Variants in CDH12 observed in about 807,000 individuals in gnomAD.
The protein encoded by CDH12 is cadherin-12.
In CDH12, 41 loss-of-function variants were observed where a neutral mutation model predicts 74.1. That is an observed-to-expected ratio of 0.55 (90% confidence interval 0.43 to 0.72). The LOEUF (loss-of-function observed/expected upper bound fraction) is 0.72. Ranked by LOEUF, CDH12 falls within the 30% of genes least tolerant of loss-of-function variation. The probability of loss-of-function intolerance (pLI) is 0.00; values close to 1 mark genes in which losing one functional copy is unlikely to be tolerated. For synonymous variants in CDH12, 399 were observed against 355.0 expected, an observed-to-expected ratio of 1.12 and a Z score of -1.39; for missense variants, 945 against 977.2, an observed-to-expected ratio of 0.97 and a Z score of 0.44.
chr5:22,810,900 A>AAT (rs761041109), intron 1 of CDH12, among the ~76,000 whole-genome samples: 1 of 147,896 alleles, frequency 6.8e-6, no homozygotes, highest in East Asian at 2.0e-4. Context: ...AAAACAAACA[A>AAT]ATATATGTGT....
chr5:22,099,142 G>C (rs1054941300), intron 4 of CDH12, among the ~76,000 whole-genome samples: 3 of 152,126 alleles, frequency 2.0e-5, no homozygotes, highest in Non-Finnish European at 4.4e-5. Flanking sequence ...TGGATAAGTA[G>C]AGGCCTTTCC....
intron 4 of CDH12, among the ~76,000 whole-genome samples, chr5:22,114,035 G>T (rs1162961890): frequency 6.6e-6 from 1 of 152,168 alleles, no homozygotes; most frequent in Non-Finnish European, 1.5e-5. Context: ...AGTTTCCACA[G>T]AAGAGGTCTG....
intron 1 of CDH12, among the ~76,000 whole-genome samples, chr5:22,743,748 AT>A (rs1220477409): frequency 2.6e-5 from 4 of 152,116 alleles, no homozygotes; most frequent in Non-Finnish European, 5.9e-5. Context: ...TGGCATAGCA[AT>A]TTTTTTCTCT....
intron 4 of CDH12, among the ~76,000 whole-genome samples, chr5:22,183,576 A>C (rs1329998998): frequency 6.6e-6 from 1 of 152,176 alleles, no homozygotes; most frequent in Admixed American, 6.6e-5. Flanking sequence ...TCTTCTCGTG[A>C]AATTTAATGA....
chr5:22,811,313 CA>C (rs1391345729), intron 1 of CDH12, among the ~76,000 whole-genome samples: 1 of 152,104 alleles, frequency 6.6e-6, no homozygotes, highest in Non-Finnish European at 1.5e-5. Context: ...TGATCATTTG[CA>C]AATCCCAACT....
chr5:21,978,194 T>A (rs916973687), intron 5 of CDH12, among the ~76,000 whole-genome samples: 8 of 152,120 alleles, frequency 5.3e-5, no homozygotes, highest in Non-Finnish European at 1.0e-4. Flanking sequence ...CAGGCTGGAG[T>A]GCAGTGGCGT....
At chr5:22,699,963 C>A (rs1326365867) in intron 1 of CDH12, among the ~76,000 whole-genome samples, 1 of 152,034 alleles carries the variant, frequency 6.6e-6, no homozygotes, top group South Asian at 2.1e-4. Flanking sequence ...TTGTTTGAGG[C>A]CAGGAGTTTG....
rs1554032478 is a variant in CDH12, at chr5:21,804,643, A to AAAACACACAC, written c.1003-2224_1003-2223insGTGTGTGTTT. On this transcript the variant is annotated intron_variant, in intron 9 of 14. Transcript: ENST00000382254. ...ATAAAATCATTCTATAGTGAATTAA[A>AAAACACACAC]ACACACACACACACACACACACACA... is the stretch of plus-strand genomic sequence containing the variant. 2.3e-4 allele frequency among the ~76,000 whole-genome samples: 26 copies of AAAACACACAC among 115,366 alleles called. 1 individual carries two copies. Among genetic ancestry groups the AAAACACACAC allele is most frequent in the African/African-American group, 7.0e-4 (22 of 31,404 alleles). 75.7% of individuals were successfully genotyped at this position (115,366 alleles called of 152,430 possible).
At chr5:22,580,508 G>T in intron 1 of CDH12, 1 of 477,606 alleles carries the variant, frequency 2.1e-6, no homozygotes, top group South Asian at 1.6e-5. Flanking sequence ...AGAGTGAGCC[G>T]GGGACTTCAG....
intron 1 of CDH12, among the ~76,000 whole-genome samples, chr5:22,775,854 AG>A (rs1195498548): frequency 1.3e-5 from 2 of 152,090 alleles, no homozygotes; most frequent in Admixed American, 6.6e-5. Flanking sequence ...GGAGGGACCC[AG>A]GGGGGAGGTA....
chr5:22,538,267 C>G (rs1737951773), intron 1 of CDH12, among the ~76,000 whole-genome samples: 1 of 152,304 alleles, frequency 6.6e-6, no homozygotes, highest in African/African-American at 2.4e-5. Context: ...CCAATCTACT[C>G]CCTCTGGTCT....
intron 3 of CDH12, among the ~76,000 whole-genome samples, chr5:22,256,992 TA>T (rs1160356479): frequency 1.3e-5 from 2 of 151,884 alleles, no homozygotes; most frequent in Admixed American, 6.6e-5. Flanking sequence ...TACACAGCCA[TA>T]AAAAAAGAAT....
chr5:22,026,424 A>G (rs1738360131), intron 5 of CDH12, among the ~76,000 whole-genome samples: 1 of 152,152 alleles, frequency 6.6e-6, no homozygotes, highest in African/African-American at 2.4e-5. Context: ...TGGTTTCGTT[A>G]TGCCTCTATT....
chr5:22,700,193 T>C (rs1487809537), intron 1 of CDH12, among the ~76,000 whole-genome samples: 1 of 152,046 alleles, frequency 6.6e-6, no homozygotes, highest in East Asian at 1.9e-4. Context: ...ACCTGGATAG[T>C]GCTAATGACA....
chr5:22,153,850 G>GTA (rs1440827909), intron 4 of CDH12, among the ~76,000 whole-genome samples: 11 of 121,994 alleles, frequency 9.0e-5, no homozygotes, highest in Admixed American at 2.8e-4. Flanking sequence ...ATACATATAT[G>GTA]TGTGTGTGTA....
At chr5:21,759,296 G>T (rs1410329019) in intron 13 of CDH12, among the ~76,000 whole-genome samples, 1 of 151,354 alleles carries the variant, frequency 6.6e-6, no homozygotes, top group African/African-American at 2.4e-5. Context: ...ACAGTAATGT[G>T]TAAAGACAAA....
intron 6 of CDH12, among the ~76,000 whole-genome samples, chr5:21,973,028 A>T (rs1308582674): frequency 1.4e-5 from 2 of 146,178 alleles, no homozygotes; most frequent in Non-Finnish European, 3.0e-5. Flanking sequence ...ACATAGCTAG[A>T]TCCCTTCTCT....
chr5:21,781,241 A>G (rs1441234450), intron 11 of CDH12, among the ~76,000 whole-genome samples: 2 of 152,192 alleles, frequency 1.3e-5, no homozygotes, highest in Non-Finnish European at 2.9e-5. Context: ...CAATTTACCC[A>G]AAAAGCCTGC....
chr5:22,031,030 T>C (rs1738782974), intron 5 of CDH12, among the ~76,000 whole-genome samples: 1 of 151,992 alleles, frequency 6.6e-6, no homozygotes, highest in African/African-American at 2.4e-5. Context: ...CTAAAATAGG[T>C]TTTTGCTTAA....
Sources: allele counts gnomAD v4.1 joint callset (sites outside exome capture counted in the v4.1 genomes callset), GRCh38; gene constraint gnomAD v4.1.1; transcripts MANE v1.5; gene names NCBI Gene and HGNC (gene_info 2026-07-23, HGNC 2026-07-21).